The following ZBTB7C variants were observed in gnomAD, a reference collection of about 807,000 sequenced individuals.
ZBTB7C encodes zinc finger and BTB domain containing 7C.
A neutral mutation model predicts 25.7 loss-of-function variants in ZBTB7C; 8 were observed. The observed-to-expected ratio is 0.31, with a 90% CI of 0.18 to 0.56. The LOEUF (loss-of-function observed/expected upper bound fraction) is 0.56. Ranked by LOEUF, ZBTB7C falls within the 20% of genes least tolerant of loss-of-function variation. The pLI is 0.91. For synonymous variants in ZBTB7C, 394 were observed against 369.0 expected (o/e 1.07, Z -0.78); for missense variants, 824 against 855.2 (o/e 0.96, Z 0.46).
At position 48,121,980 on chromosome 18, in the gene ZBTB7C, C is replaced by T. The variant is rs1328835766; in HGVS notation, c.-17+63954G>A. Among the ~76,000 whole-genome samples, 9 of 152,254 alleles carry T rather than the reference C, an allele frequency of 5.9e-5. No homozygotes were observed. The South Asian group carries it at 1.0e-3, about 18-fold the overall frequency. On this transcript the variant is annotated intron_variant, in intron 3 of 4. Transcript: ENST00000590800. Reference sequence around the variant, plus strand: ...GCCTGAGCTGACCTGTGCCTGGGGCCCAGTGACATGCTGCAGTCCCTGGTG... The same window carrying T: ...GCCTGAGCTGACCTGTGCCTGGGGCTCAGTGACATGCTGCAGTCCCTGGTG...
At chr18:48,229,847 G>A (rs1297265820) in intron 2 of ZBTB7C, among the ~76,000 whole-genome samples, 1 of 152,120 alleles carries the variant, frequency 6.6e-6, no homozygotes, top group Non-Finnish European at 1.5e-5. Context: ...GGCACTGAGG[G>A]GGTGGCCAAG....
At chr18:48,380,599 T>C (rs2047614146) in intron 1 of ZBTB7C, among the ~76,000 whole-genome samples, 1 of 152,136 alleles carries the variant, frequency 6.6e-6, no homozygotes, top group African/African-American at 2.4e-5. Context: ...GACAACCCAG[T>C]AGCAATGAGC....
At chr18:48,137,066 C>T (rs901453122) in intron 3 of ZBTB7C, 3 of 985,298 alleles carry the variant, frequency 3.0e-6, no homozygotes, top group African/African-American at 1.7e-5. Flanking sequence ...CCGCCAGGGT[C>T]CCGGGCTGGG....
intron 3 of ZBTB7C, among the ~76,000 whole-genome samples, chr18:48,059,949 C>T (rs189500133): frequency 2.6e-5 from 4 of 152,260 alleles, no homozygotes; most frequent in Non-Finnish European, 1.5e-5. Context: ...CTTCCTCCTC[C>T]CACTCTTTTC....
intron 3 of ZBTB7C, among the ~76,000 whole-genome samples, chr18:48,154,404 G>A (rs2040771603): frequency 6.6e-6 from 1 of 152,212 alleles, no homozygotes; most frequent in South Asian, 2.1e-4. Flanking sequence ...GGCCCGAGCT[G>A]TAACCAGGGA....
chr18:48,182,412 C>T (rs200116625), intron 3 of ZBTB7C, among the ~76,000 whole-genome samples: 72 of 152,230 alleles, frequency 4.7e-4, no homozygotes, highest in East Asian at 2.7e-3. Context: ...CATTCAAGAC[C>T]GAACTTCAGA....
chr18:48,410,080 G>A (rs144464184), upstream of ZBTB7C, among the ~76,000 whole-genome samples: 357 of 149,968 alleles, frequency 2.4e-3, 3 homozygotes, highest in African/African-American at 8.7e-3. Flanking sequence ...AGTCCGATGG[G>A]GGAGGAAATA....
chr18:48,383,835 C>T (rs891948345), intron 1 of ZBTB7C, among the ~76,000 whole-genome samples: 2 of 151,426 alleles, frequency 1.3e-5, no homozygotes, highest in East Asian at 1.9e-4. Context: ...CCTCAGCACA[C>T]GGCAGAGTGT....
chr18:48,343,962 G>A (rs1052240308), intron 1 of ZBTB7C, among the ~76,000 whole-genome samples: 19 of 152,072 alleles, frequency 1.2e-4, no homozygotes, highest in Admixed American at 5.2e-4. Context: ...GGAGCCATGG[G>A]GATGTGTGTT....
chr18:48,275,538 G>T (rs977200184), intron 2 of ZBTB7C, among the ~76,000 whole-genome samples: 1 of 152,142 alleles, frequency 6.6e-6, no homozygotes, highest in Non-Finnish European at 1.5e-5. Flanking sequence ...CCCAGAGAGC[G>T]ACTTGCCCTA....
At chr18:48,039,804 TG>T in intron 4 of ZBTB7C, 95 bp downstream of exon 4, 1 of 1,298,668 alleles carries the variant, frequency 7.7e-7, no homozygotes, top group Non-Finnish European at 1.1e-6. Flanking sequence ...GGGATCTATC[TG>T]GGTCTCTGTC....
intron 2 of ZBTB7C, among the ~76,000 whole-genome samples, chr18:48,227,492 T>C (rs773475114): frequency 7.9e-5 from 12 of 152,228 alleles, no homozygotes; most frequent in Admixed American, 2.0e-4. Flanking sequence ...CCCAACACTG[T>C]GGGTTACCTT....
chr18:48,058,557 T>G (rs1261351444), intron 3 of ZBTB7C, among the ~76,000 whole-genome samples: 2 of 152,204 alleles, frequency 1.3e-5, no homozygotes, highest in Non-Finnish European at 2.9e-5. Context: ...TAAGACCCCT[T>G]GTGAGTCAGT....
At chr18:48,284,417 T>C (rs1319623201) in intron 2 of ZBTB7C, among the ~76,000 whole-genome samples, 1 of 146,708 alleles carries the variant, frequency 6.8e-6, no homozygotes, top group African/African-American at 2.5e-5. Flanking sequence ...CCAGCCTGAG[T>C]GACAGAGTGA....
intron 2 of ZBTB7C, among the ~76,000 whole-genome samples, chr18:48,302,174 C>A (rs1312597065): frequency 6.6e-6 from 1 of 152,186 alleles, no homozygotes; most frequent in African/African-American, 2.4e-5. Flanking sequence ...TGTGCAGAAG[C>A]CCCAGTCCCT....
intron 1 of ZBTB7C, among the ~76,000 whole-genome samples, chr18:48,343,396 T>C (rs544009179): frequency 2.6e-4 from 39 of 152,218 alleles, no homozygotes; most frequent in African/African-American, 7.7e-4. Context: ...ATCTATAACA[T>C]AGAGTAATAA....
intron 3 of ZBTB7C, among the ~76,000 whole-genome samples, chr18:48,118,125 C>T (rs2039508313): frequency 6.6e-6 from 1 of 152,002 alleles, no homozygotes; most frequent in Non-Finnish European, 1.5e-5. Context: ...CCTGCCTCAG[C>T]CTCCCAAGTA....
At chr18:48,369,313 TAAATC>T (rs1334435080) in intron 1 of ZBTB7C, among the ~76,000 whole-genome samples, 3 of 151,732 alleles carry the variant, frequency 2.0e-5, no homozygotes, top group South Asian at 2.1e-4. Flanking sequence ...AATATATACA[TAAATC>T]AAAGTAGAAT....
intron 3 of ZBTB7C, chr18:48,149,996 G>T (rs1488195037): frequency 6.6e-6 from 1 of 151,754 alleles, no homozygotes; most frequent in Non-Finnish European, 1.5e-5. Context: ...TAGAGACGGG[G>T]TTTCACCATG....
Sources: allele counts gnomAD v4.1 joint callset (sites outside exome capture counted in the v4.1 genomes callset), GRCh38; gene constraint gnomAD v4.1.1; transcripts MANE v1.5; gene names NCBI Gene and HGNC (gene_info 2026-07-23, HGNC 2026-07-21).